ATF7: variants seen among roughly 807,000 people sequenced by gnomAD.
ATF7 encodes activating transcription factor 7.
A neutral mutation model predicts 50.4 loss-of-function variants in ATF7; 10 were observed. The ratio of observed to expected loss-of-function variants is 0.20; its 90% CI spans 0.12 to 0.34. The LOEUF is 0.34. ATF7 is among the 10% of genes least tolerant of loss of function. The pLI, the probability that ATF7 is intolerant of heterozygous loss-of-function variation, is 1.00. For missense variants in ATF7, 465 were observed against 613.9 expected (o/e 0.76, Z 2.56); for synonymous variants, 201 against 226.4 (o/e 0.89, Z 1.01).
At chr12:53,626,241 C>T (rs1401714926) in intron 1 of ATF7, 38 bp downstream of exon 1, 8 of 152,800 alleles carry the variant, frequency 5.2e-5, no homozygotes, top group African/African-American at 1.4e-4. Flanking sequence ...GGGAGACTCC[C>T]GTCAGATCAT....
chr12:53,600,921 G>C, intron 2 of ATF7, 32 bp downstream of exon 2: 2 of 1,607,626 alleles, frequency 1.2e-6, no homozygotes, highest in Non-Finnish European at 1.7e-6. Context: ...TTCACAACGA[G>C]ACATTCACAA....
chr12:53,590,849 A>G (rs1942907760), intron 2 of ATF7, among the ~76,000 whole-genome samples: 1 of 152,212 alleles, frequency 6.6e-6, no homozygotes, highest in African/African-American at 2.4e-5. Flanking sequence ...CTACAGAGAC[A>G]GTACAAAGAT....
intron 5 of ATF7, 132 bp from the exon 6 acceptor site, chr12:53,534,791 C>A: frequency 1.2e-5 from 12 of 1,034,174 alleles, no homozygotes; most frequent in South Asian, 1.6e-5. Context: ...GACCTGATTC[C>A]ATCAGGATCA....
chr12:53,559,780 A>G (rs1291050503), intron 2 of ATF7, among the ~76,000 whole-genome samples: 1 of 152,074 alleles, frequency 6.6e-6, no homozygotes, highest in Non-Finnish European at 1.5e-5. Context: ...AGTTCAAGGC[A>G]TGAAACATTT....
At chr12:53,517,479 T>C in intron 11 of ATF7, 125 bp from the exon 12 acceptor site, 6 of 972,100 alleles carry the variant, frequency 6.2e-6, no homozygotes, top group Non-Finnish European at 9.0e-6. Context: ...CATCTTTTTT[T>C]TGGGGAAAAC....
chr12:53,534,755 A>G lies in ATF7; in HGVS notation c.403-96T>C, dbSNP rs1592808493. 3 of 1,343,628 alleles carry G rather than the reference A, an allele frequency of 2.2e-6. No homozygotes were observed. The East Asian group carries it at 7.6e-5, about 34-fold the overall frequency. The allele number at this position is 1,343,628 out of a possible 1,614,324, so 83.2% of individuals were successfully genotyped here. On this transcript the variant is annotated intron_variant, in intron 5 of 11. Coordinates refer to ENST00000420353, the MANE Select transcript of ATF7 (RefSeq NM_006856.3). ...AATCTAGTACAAATTTATTGGAAAG[A>G]GCATTAGAGCCACTCATTAAATCAT... is the stretch of plus-strand genomic sequence containing the variant.
At chr12:53,574,576 G>A (rs1301197040) in intron 2 of ATF7, 1 of 153,780 alleles carries the variant, frequency 6.5e-6, no homozygotes, top group Non-Finnish European at 1.4e-5. Context: ...GTGCTGCTCA[G>A]AGGTCTCCTG....
chr12:53,597,737 A>G (rs1943227784), intron 2 of ATF7, among the ~76,000 whole-genome samples: 1 of 149,130 alleles, frequency 6.7e-6, no homozygotes, highest in East Asian at 2.0e-4. Flanking sequence ...TGAACCCAGG[A>G]GGCGGAGCTT....
At chr12:53,586,690 G>A (rs1942696222) in intron 2 of ATF7, among the ~76,000 whole-genome samples, 1 of 152,076 alleles carries the variant, frequency 6.6e-6, no homozygotes, top group African/African-American at 2.4e-5. Context: ...AACTTCTCAG[G>A]AGCCAAGCTT....
At chr12:53,565,056 G>T (rs1228115011) in intron 2 of ATF7, among the ~76,000 whole-genome samples, 3 of 152,064 alleles carry the variant, frequency 2.0e-5, no homozygotes, top group Non-Finnish European at 4.4e-5. Context: ...TAAGTTTTAA[G>T]CCCTCAGCCA....
At chr12:53,579,395 T>C (rs1942273442) in intron 2 of ATF7, among the ~76,000 whole-genome samples, 5 of 151,188 alleles carry the variant, frequency 3.3e-5, no homozygotes, top group Admixed American at 3.3e-4. Context: ...CTACTAAAAA[T>C]ACAAAAATTA....
intron 2 of ATF7, among the ~76,000 whole-genome samples, chr12:53,562,789 C>T (rs562731462): frequency 6.6e-6 from 1 of 152,064 alleles, no homozygotes; most frequent in East Asian, 1.9e-4. Context: ...TACCCTAATG[C>T]AAGGATGCAA....
chr12:53,582,560 T>G (rs1592926559), intron 2 of ATF7, among the ~76,000 whole-genome samples: 2 of 151,950 alleles, frequency 1.3e-5, no homozygotes, highest in Non-Finnish European at 2.9e-5. Flanking sequence ...AATAGACACA[T>G]AAATTACTAT....
At position 53,624,616 on chromosome 12, in the gene ATF7, A is replaced by C. The variant is rs181321652; in HGVS notation, c.-22+1663T>G. Reference sequence around the variant, plus strand: ...TTCTTTAGCTTCTTTTCTTACAGACATGTTACATTTCGCAAGAGCCTCCAC... The same window carrying C: ...TTCTTTAGCTTCTTTTCTTACAGACCTGTTACATTTCGCAAGAGCCTCCAC... On this transcript the variant is annotated intron_variant, in intron 1 of 11. Coordinates refer to ENST00000420353, the MANE Select transcript of ATF7 (RefSeq NM_006856.3). Among the ~76,000 whole-genome samples, 387 of 152,352 alleles carry C rather than the reference A, an allele frequency of 2.5e-3. 2 individuals carry two copies. Among genetic ancestry groups the C allele is most frequent in the Non-Finnish European group, 1.8e-3 (123 of 68,036 alleles).
chr12:53,597,527 T>C (rs747583067), intron 2 of ATF7, among the ~76,000 whole-genome samples: 2 of 152,104 alleles, frequency 1.3e-5, no homozygotes, highest in Non-Finnish European at 2.9e-5. Flanking sequence ...TAAGAAATAG[T>C]AGCCAGGCAC....
chr12:53,615,068 A>G (rs1944060061), intron 1 of ATF7, among the ~76,000 whole-genome samples: 1 of 152,028 alleles, frequency 6.6e-6, no homozygotes. Flanking sequence ...CAACACGGCA[A>G]GACGCCATCT....
At chr12:53,523,230 G>A in intron 11 of ATF7, 46 bp downstream of exon 11, 1 of 1,297,990 alleles carries the variant, frequency 7.7e-7, no homozygotes, top group Non-Finnish European at 1.1e-6. Flanking sequence ...CTCAGTACAT[G>A]CAGTTTACTG....
At chr12:53,563,459 GAA>G (rs11302242) in intron 2 of ATF7, among the ~76,000 whole-genome samples, 8 of 147,948 alleles carry the variant, frequency 5.4e-5, no homozygotes, top group Admixed American at 1.3e-4. Flanking sequence ...CTACCGAAAA[GAA>G]AAAAAAAAAA....
At chr12:53,601,392 GAGA>G (rs1943397261) in intron 1 of ATF7, among the ~76,000 whole-genome samples, 1 of 152,172 alleles carries the variant, frequency 6.6e-6, no homozygotes, top group Non-Finnish European at 1.5e-5. Context: ...TTCTGAACGA[GAGA>G]AGACCAAAAT....
Sources: allele counts gnomAD v4.1 joint callset (sites outside exome capture counted in the v4.1 genomes callset), GRCh38; gene constraint gnomAD v4.1.1; transcripts MANE v1.5; gene names NCBI Gene and HGNC (gene_info 2026-07-23, HGNC 2026-07-21).